PDE4D: variants seen among roughly 807,000 people sequenced by gnomAD.
The protein encoded by PDE4D is phosphodiesterase 4D.
In PDE4D, 24 loss-of-function variants were observed where a neutral mutation model predicts 87.4. That is an observed-to-expected ratio of 0.27 (90% CI 0.20 to 0.39). PDE4D has a LOEUF of 0.39. PDE4D is among the 10% of genes least tolerant of loss of function. The probability of loss-of-function intolerance (pLI) is 1.00; values close to 1 mark genes in which losing one functional copy is unlikely to be tolerated. For missense variants in PDE4D, 714 were observed against 1,041.0 expected, an observed-to-expected ratio of 0.69 and a Z score of 4.32; for synonymous variants, 384 against 383.2, an observed-to-expected ratio of 1.00 and a Z score of -0.02.
At chr5:60,389,665 G>A (rs902863466) in intron 1 of PDE4D, among the ~76,000 whole-genome samples, 1 of 152,172 alleles carries the variant, frequency 6.6e-6, no homozygotes, top group Non-Finnish European at 1.5e-5. Context: ...CTTCAAAGAT[G>A]ACTCTCACAC....
At chr5:59,855,006 G>A (rs1242576374) in intron 1 of PDE4D, among the ~76,000 whole-genome samples, 1 of 152,130 alleles carries the variant, frequency 6.6e-6, no homozygotes, top group Admixed American at 6.6e-5. Context: ...GAATGCTGGA[G>A]ATTATAGAGT....
chr5:59,363,891 G>A lies in PDE4D; in HGVS notation c.456-147923C>T, dbSNP rs377359043. Among the ~76,000 whole-genome samples the A allele has an allele frequency of 3.3e-5, 5 of 152,166 alleles. No individual in the cohort carries two copies. In the East Asian group the frequency reaches 9.7e-4, roughly 29 times the overall value. ...TAACTAGAGAGAGAGGAGGCCTAGA[G>A]TATAGTTCAGCTTGAGGAAAAGTGA... is the stretch of plus-strand genomic sequence containing the variant. On this transcript the variant is annotated intron_variant, in intron 1 of 14. Transcript: ENST00000340635.
At chr5:60,440,618 A>C (rs968974310) in intron 1 of PDE4D, among the ~76,000 whole-genome samples, 2 of 152,154 alleles carry the variant, frequency 1.3e-5, no homozygotes, top group Non-Finnish European at 2.9e-5. Context: ...AGGAAGCAAA[A>C]GATAGATATT....
At chr5:59,625,445 C>T (rs926627748) in intron 1 of PDE4D, among the ~76,000 whole-genome samples, 4 of 151,816 alleles carry the variant, frequency 2.6e-5, no homozygotes, top group African/African-American at 9.7e-5. Context: ...GAGTTTGAGA[C>T]TCTGAGCACA....
At chr5:60,474,614 C>T (rs1025165611) in intron 1 of PDE4D, among the ~76,000 whole-genome samples, 9 of 152,138 alleles carry the variant, frequency 5.9e-5, no homozygotes, top group African/African-American at 2.2e-4. Context: ...AAAACGTGTG[C>T]TGCCAGGGCT....
At chr5:60,075,818 T>C (rs1269842410) in intron 2 of PDE4D, among the ~76,000 whole-genome samples, 1 of 152,318 alleles carries the variant, frequency 6.6e-6, no homozygotes, top group Non-Finnish European at 1.5e-5. Context: ...TACTTACAAT[T>C]AAATTATGAA....
intron 3 of PDE4D, among the ~76,000 whole-genome samples, chr5:59,900,548 C>G (rs1752152346): frequency 1.3e-5 from 2 of 152,064 alleles, no homozygotes; most frequent in Non-Finnish European, 2.9e-5. Context: ...TCTATAAAAT[C>G]ATGGCCAGTC....
chr5:59,255,662 G>T (rs1449529436), intron 1 of PDE4D, among the ~76,000 whole-genome samples: 1 of 152,106 alleles, frequency 6.6e-6, no homozygotes, highest in Non-Finnish European at 1.5e-5. Context: ...ACACTGTCAA[G>T]TGCAAAATAC....
chr5:59,791,661 C>A (rs1338464558), intron 1 of PDE4D, among the ~76,000 whole-genome samples: 1 of 152,084 alleles, frequency 6.6e-6, no homozygotes, highest in Non-Finnish European at 1.5e-5. Context: ...AGTCACAAGA[C>A]CGGGCCCTGT....
chr5:59,271,752 T>C lies in PDE4D; in HGVS notation c.456-55784A>G, dbSNP rs372961125. On this transcript the variant is annotated intron_variant, in intron 1 of 14. Transcript: ENST00000340635. ...AGCAAATTGTGGTTTAATGTCTAAG[T>C]AGATATTGGCATATATAAAGATGAG... Among the ~76,000 whole-genome samples the C allele has an allele frequency of 1.2e-3, 175 of 152,118 alleles. 1 individual carries two copies. The highest frequency in any genetic ancestry group is 4.7e-4 in the Non-Finnish European group (32 of 67,994).
At chr5:59,202,275 C>T (rs567510504) in intron 2 of PDE4D, among the ~76,000 whole-genome samples, 26 of 152,142 alleles carry the variant, frequency 1.7e-4, no homozygotes, top group Non-Finnish European at 3.1e-4. Flanking sequence ...CTCCTGACGT[C>T]GTGATCCACC....
intron 1 of PDE4D, among the ~76,000 whole-genome samples, chr5:60,237,077 T>C (rs1351505381): frequency 6.6e-6 from 1 of 151,870 alleles, no homozygotes; most frequent in Non-Finnish European, 1.5e-5. Flanking sequence ...TAAAATAAAA[T>C]ACAGTGACAA....
At position 59,439,194 on chromosome 5, in the gene PDE4D, A is replaced by G. The variant is rs145707793; in HGVS notation, c.456-223226T>C. The stretch of plus-strand genomic sequence containing the variant: ...ACCACCATGGTGAAACCTCGTCTCT[A>G]CCAAAAATACAAAAATTAGCTGTGC... On this transcript the variant is annotated intron_variant, in intron 1 of 14. Coordinates refer to ENST00000340635, the MANE Select transcript of PDE4D (RefSeq NM_001104631.2). 5.1e-3 allele frequency among the ~76,000 whole-genome samples: 775 copies of G among 152,172 alleles called. 5 individuals are homozygous for G. The highest frequency in any genetic ancestry group is 0.018 in the African/African-American group (750 of 41,510).
intron 1 of PDE4D, among the ~76,000 whole-genome samples, chr5:59,779,658 T>C (rs545434297): frequency 9.8e-5 from 15 of 152,296 alleles, no homozygotes; most frequent in African/African-American, 3.6e-4. Flanking sequence ...ATTTTTTCAC[T>C]CAACAAAGAT....
chr5:59,357,001 G>A lies in PDE4D; in HGVS notation c.456-141033C>T, dbSNP rs1343280305. 6 of 878,376 alleles carry A rather than the reference G, an allele frequency of 6.8e-6. No homozygotes were observed. In the African/African-American group the frequency reaches 8.8e-5, roughly 13 times the overall value. 54.4% of individuals were successfully genotyped at this position (878,376 alleles called of 1,614,324 possible). A position where few individuals can be genotyped will look rare whatever the true frequency, so the allele number is the denominator to read the frequency against. The stretch of plus-strand genomic sequence containing the variant: ...GGTATGCGCTGACAGAGAGATGGCA[G>A]GCTGGCTGAGGCAGGGCTGGAAGGG... On this transcript the variant is annotated intron_variant, in intron 1 of 14. Transcript: ENST00000340635.
intron 1 of PDE4D, among the ~76,000 whole-genome samples, chr5:59,246,993 G>T (rs2153526937): frequency 6.6e-6 from 1 of 152,242 alleles, no homozygotes; most frequent in African/African-American, 2.4e-5. Flanking sequence ...TCAGTTACAA[G>T]CCACATGCCT....
At chr5:60,352,362 C>T (rs1240892204) in intron 1 of PDE4D, among the ~76,000 whole-genome samples, 1 of 152,160 alleles carries the variant, frequency 6.6e-6, no homozygotes, top group Non-Finnish European at 1.5e-5. Context: ...ATGCTCCTGA[C>T]CCATCATTAC....
chr5:59,159,065 C>T (rs1022687079), intron 5 of PDE4D, among the ~76,000 whole-genome samples: 1 of 152,098 alleles, frequency 6.6e-6, no homozygotes, highest in Admixed American at 6.5e-5. Context: ...AACAAAAATA[C>T]CATGTTTGCT....
intron 2 of PDE4D, among the ~76,000 whole-genome samples, chr5:60,112,344 G>T (rs921887314): frequency 2.6e-5 from 4 of 151,942 alleles, no homozygotes; most frequent in African/African-American, 9.7e-5. Flanking sequence ...TTTTACTTTT[G>T]ACATCTTCTC....
Sources: gnomAD v4.1 joint callset for allele counts (sites outside exome capture counted in the v4.1 genomes callset) on GRCh38, gnomAD v4.1.1 for gene constraint, MANE v1.5 for transcripts, NCBI Gene and HGNC (gene_info 2026-07-23, HGNC 2026-07-21) for gene names.